The following PTPRD variants were observed in gnomAD, a reference collection of about 807,000 sequenced individuals.
The protein encoded by PTPRD is receptor-type tyrosine-protein phosphatase delta.
Under a neutral mutation model 214.5 loss-of-function variants are expected in PTPRD, and 34 were observed. The ratio of observed to expected loss-of-function variants is 0.16; its 90% CI spans 0.12 to 0.21. The LOEUF is 0.21. Ranked by LOEUF, PTPRD falls within the 10% of genes least tolerant of loss-of-function variation. The probability of loss-of-function intolerance (pLI) is 1.00; values close to 1 mark genes in which losing one functional copy is unlikely to be tolerated. For missense variants in PTPRD, 2,545 were observed against 2,398.7 expected (o/e 1.06, Z -1.27); for synonymous variants, 1,128 against 845.7 (o/e 1.33, Z -5.79).
In PTPRD at chr9:9,684,163, G is replaced by C. The variant is rs181640828; in HGVS notation, c.-287+50370C>G. Among the ~76,000 whole-genome samples the C allele has an allele frequency of 4.5e-4, 68 of 151,364 alleles. No homozygotes were observed. The East Asian group carries it at 0.013, about 29-fold the overall frequency. On this transcript the variant is annotated intron_variant, in intron 7 of 45. Coordinates refer to ENST00000381196, the MANE Select transcript of PTPRD (RefSeq NM_002839.4). The stretch of plus-strand genomic sequence containing the variant: ...CATAAGATCATATTAGACATGCTTG[G>C]TTAAAAAAAAAGACCTTTTAACATT...
At chr9:9,695,047 C>T (rs2097345621) in intron 7 of PTPRD, among the ~76,000 whole-genome samples, 1 of 152,114 alleles carries the variant, frequency 6.6e-6, no homozygotes, top group African/African-American at 2.4e-5. Context: ...TCACTGTAGC[C>T]ACCGTAGCTG....
chr9:10,446,065 G>A (rs1029369078), intron 2 of PTPRD, among the ~76,000 whole-genome samples: 4 of 151,926 alleles, frequency 2.6e-5, no homozygotes, highest in African/African-American at 9.7e-5. Context: ...CCAGAGCGGG[G>A]AAGTACCCAA....
chr9:8,559,984 C>T (rs1009012602), intron 14 of PTPRD, among the ~76,000 whole-genome samples: 1 of 152,190 alleles, frequency 6.6e-6, no homozygotes, highest in Non-Finnish European at 1.5e-5. Flanking sequence ...TTCCTACTAT[C>T]TTCAACTGTA....
chr9:9,477,099 A>G (rs10217490), intron 8 of PTPRD, among the ~76,000 whole-genome samples: 106,894 of 152,066 alleles, frequency 0.7, 37,592 homozygotes, highest in South Asian at 0.74. Context: ...ACCTGCAGTC[A>G]TTAAGTGAGT....
intron 7 of PTPRD, among the ~76,000 whole-genome samples, chr9:9,680,328 T>C (rs769296813): frequency 6.6e-6 from 1 of 151,882 alleles, no homozygotes; most frequent in Non-Finnish European, 1.5e-5. Flanking sequence ...TTTAAATATA[T>C]TGCTTTGGAA....
intron 44 of PTPRD, among the ~76,000 whole-genome samples, chr9:8,330,074 G>A (rs933703178): frequency 6.6e-6 from 1 of 152,146 alleles, no homozygotes; most frequent in Non-Finnish European, 1.5e-5. Context: ...ATCTGGGCCA[G>A]AGTGTACTGT....
chr9:8,508,816 G>C (rs188420593), intron 21 of PTPRD, among the ~76,000 whole-genome samples: 1 of 151,972 alleles, frequency 6.6e-6, no homozygotes, highest in African/African-American at 2.4e-5. Context: ...CTGCAAGAAT[G>C]ATTTGTAGAA....
At chr9:10,546,756 G>C (rs1053054805) in intron 2 of PTPRD, among the ~76,000 whole-genome samples, 1 of 151,980 alleles carries the variant, frequency 6.6e-6, no homozygotes, top group East Asian at 1.9e-4. Flanking sequence ...ACATATAAAA[G>C]TATAGTTTGC....
At chr9:9,493,212 G>T (rs559778190) in intron 8 of PTPRD, among the ~76,000 whole-genome samples, 1 of 151,970 alleles carries the variant, frequency 6.6e-6, no homozygotes, top group Admixed American at 6.6e-5. Flanking sequence ...AATGCTTAAG[G>T]TACTCTGCCT....
chr9:9,488,285 T>C (rs1650097571), intron 8 of PTPRD, among the ~76,000 whole-genome samples: 1 of 152,244 alleles, frequency 6.6e-6, no homozygotes, highest in Non-Finnish European at 1.5e-5. Context: ...CAGTAATTCT[T>C]TGGTGTAATT....
intron 5 of PTPRD, among the ~76,000 whole-genome samples, chr9:9,844,728 G>A (rs571118347): frequency 2.0e-4 from 30 of 151,652 alleles, no homozygotes; most frequent in Non-Finnish European, 3.1e-4. Context: ...TCATTAACTA[G>A]AATTTGTTTA....
intron 9 of PTPRD, among the ~76,000 whole-genome samples, chr9:9,377,050 T>C (rs2060979042): frequency 6.6e-6 from 1 of 152,050 alleles, no homozygotes. Flanking sequence ...AAAGGAAGAA[T>C]TTGGCTGGAG....
At chr9:10,235,975 T>A (rs568441743) in intron 3 of PTPRD, among the ~76,000 whole-genome samples, 3 of 152,052 alleles carry the variant, frequency 2.0e-5, no homozygotes, top group South Asian at 2.1e-4. Flanking sequence ...TTCTGGGAAC[T>A]AGCCTGCTTG....
intron 10 of PTPRD, among the ~76,000 whole-genome samples, chr9:9,025,660 T>C (rs1167073387): frequency 6.6e-6 from 1 of 151,910 alleles, no homozygotes; most frequent in Non-Finnish European, 1.5e-5. Flanking sequence ...CTCACAATAA[T>C]TTGGGAGCGG....
intron 10 of PTPRD, among the ~76,000 whole-genome samples, chr9:9,182,735 T>A (rs942387990): frequency 6.6e-6 from 1 of 151,920 alleles, no homozygotes; most frequent in African/African-American, 2.4e-5. Context: ...ATAGCAAAAA[T>A]TTTGTCACAA....
intron 3 of PTPRD, among the ~76,000 whole-genome samples, chr9:10,262,435 G>C (rs936375746): frequency 6.6e-6 from 1 of 152,188 alleles, no homozygotes. Context: ...CAGAAGATTT[G>C]AGCCATTTGT....
intron 11 of PTPRD, among the ~76,000 whole-genome samples, chr9:8,890,944 C>T (rs1288679262): frequency 6.6e-6 from 1 of 152,090 alleles, no homozygotes; most frequent in African/African-American, 2.4e-5. Flanking sequence ...AGACCAGGTT[C>T]AGCTGCCTTT....
intron 3 of PTPRD, among the ~76,000 whole-genome samples, chr9:10,179,650 A>G (rs753129651): frequency 2.0e-5 from 3 of 152,078 alleles, no homozygotes; most frequent in African/African-American, 4.8e-5. Flanking sequence ...TGCAATTTTC[A>G]AGATGTGTTA....
intron 9 of PTPRD, among the ~76,000 whole-genome samples, chr9:9,343,195 G>C (rs1236730297): frequency 6.6e-6 from 1 of 152,110 alleles, no homozygotes; most frequent in African/African-American, 2.4e-5. Flanking sequence ...AAACATACTT[G>C]TGCTTGTGTC....
Sources: gnomAD v4.1 joint callset for allele counts (sites outside exome capture counted in the v4.1 genomes callset) on GRCh38, gnomAD v4.1.1 for gene constraint, MANE v1.5 for transcripts, NCBI Gene and HGNC (gene_info 2026-07-23, HGNC 2026-07-21) for gene names.